TECPR1: variants seen among roughly 807,000 people sequenced by gnomAD.
TECPR1 encodes tectonin beta-propeller repeat containing 1.
A neutral mutation model predicts 162.4 loss-of-function variants in TECPR1; 122 were observed. The observed-to-expected ratio is 0.75, with a 90% CI of 0.65 to 0.87. The LOEUF is 0.87. Among genes scored for constraint, TECPR1 ranks in the 40% least tolerant of loss-of-function variants. The pLI is 0.00. For synonymous variants in TECPR1, 642 were observed against 670.6 expected (o/e 0.96, Z 0.66); for missense variants, 1,432 against 1,618.2 (o/e 0.88, Z 1.97).
intron 22 of TECPR1, 57 bp downstream of exon 22, chr7:98,222,329 A>C: frequency 6.4e-7 from 1 of 1,568,184 alleles, no homozygotes; most frequent in South Asian, 1.2e-5. Flanking sequence ...ATGTTCAGCA[A>C]ACATCAGCTT....
intron 5 of TECPR1, among the ~76,000 whole-genome samples, chr7:98,243,924 A>G (rs891524996): frequency 2.0e-5 from 3 of 152,206 alleles, no homozygotes; most frequent in African/African-American, 7.2e-5. Flanking sequence ...TTAACCGGGC[A>G]TGGTGGTGCA....
chr7:98,231,939 C>A lies in TECPR1; in HGVS notation c.1839G>T (p.Gly613=). 1 of 1,606,410 alleles carries A rather than the reference C, an allele frequency of 6.2e-7. No individual in the cohort carries two copies. The highest frequency in any genetic ancestry group is 8.5e-7 in the Non-Finnish European group (1 of 1,179,592). The part of the protein sequence containing the change: ...AVEQSVWVKT[G]ALQWWCDWKP... Reference sequence around the variant, plus strand: ...TCCAGTCGCACCACCACTGCAGCGCCCCGGTCTTCACCCACACCGACTGCG... The same window carrying A: ...TCCAGTCGCACCACCACTGCAGCGCACCGGTCTTCACCCACACCGACTGCG... Residue 613 remains glycine (G), a synonymous_variant, in exon 13 of 26, where the codon GGG becomes GGT. Transcript: ENST00000447648.
In TECPR1 at chr7:98,215,908, C is replaced by T. The variant is rs1797995498; in HGVS notation, c.*1482G>A. 1 of 152,230 alleles carries T rather than the reference C, an allele frequency of 6.6e-6. No individual in the cohort carries two copies. 9.4% of individuals were successfully genotyped at this position (152,230 alleles called of 1,614,324 possible). On this transcript the variant is annotated 3_prime_UTR_variant, in exon 26 of 26. Transcript: ENST00000447648. ...GGAGGGGCCCCAGGGAGGCCTTTCTCAGCATCAGCTTTTGGGTGACAAACC... is the reference window on the plus strand; with the variant it reads ...GGAGGGGCCCCAGGGAGGCCTTTCTTAGCATCAGCTTTTGGGTGACAAACC...
In TECPR1 at chr7:98,217,985, T is replaced by G. The variant is rs1296930273; in HGVS notation, c.3215A>C (p.Glu1072Ala). ...TCGGCACACGTTGTTGGACACGTGC[T>G]CCCAGCTGGAGCCCTGCGGGTAGCT... is the stretch of plus-strand genomic sequence containing the variant. Reference protein sequence around the residue: ...TPSYPQGSSWEHVSNNVCRVS... With the variant: ...TPSYPQGSSWAHVSNNVCRVS... Residue 1072 changes from glutamate to alanine, a missense_variant, in exon 24 of 26, where the codon GAG becomes GCG. Glu to Ala is a moderately radical substitution (Grantham distance 107, BLOSUM62 -1). Transcript: ENST00000447648. 3 of 1,566,608 alleles carry G rather than the reference T, an allele frequency of 1.9e-6. No homozygotes were observed. The highest frequency in any genetic ancestry group is 4.7e-5 in the East Asian group (2 of 42,124).
chr7:98,250,584 G>T (rs1799039550), intron 2 of TECPR1, among the ~76,000 whole-genome samples: 1 of 152,212 alleles, frequency 6.6e-6, no homozygotes, highest in Admixed American at 6.6e-5. Flanking sequence ...GCTACAGTGA[G>T]CTATGATTGT....
chr7:98,221,387 T>G (rs1478707551), intron 23 of TECPR1, among the ~76,000 whole-genome samples: 1 of 152,162 alleles, frequency 6.6e-6, no homozygotes, highest in African/African-American at 2.4e-5. Flanking sequence ...GATACTCCCT[T>G]TACCCTGATG....
At chr7:98,245,306 C>G (rs1252205574) in intron 3 of TECPR1, among the ~76,000 whole-genome samples, 1 of 152,226 alleles carries the variant, frequency 6.6e-6, no homozygotes, top group African/African-American at 2.4e-5. Flanking sequence ...CTCCTGCCAG[C>G]CACGGCGCTG....
intron 23 of TECPR1, among the ~76,000 whole-genome samples, chr7:98,219,288 TA>T (rs1032702805): frequency 1.3e-5 from 2 of 151,884 alleles, no homozygotes; most frequent in Admixed American, 6.6e-5. Context: ...ACAAATTCTA[TA>T]AAAAAAACCT....
intron 13 of TECPR1, 65 bp from the exon 14 acceptor site, chr7:98,231,438 C>T: frequency 1.3e-6 from 2 of 1,509,468 alleles, no homozygotes; most frequent in African/African-American, 1.4e-5. Context: ...GAGGGTGACC[C>T]CCACTGTGCT....
chr7:98,233,886 C>G lies in TECPR1; in HGVS notation c.1207G>C (p.Val403Leu). The change falls in exon 11 of 26, where the codon GTG becomes CTG. Residue 403 changes from valine to leucine, a missense_variant. By Grantham distance (32) the Val-to-Leu change is conservative. Coordinates refer to ENST00000447648, the MANE Select transcript of TECPR1 (RefSeq NM_015395.3). ...GGGGCAGACTCGCCACTACCCCTCA[C>G]CTCATCACCGAAGAAGCAGCCGGCA... ...LSAGCFFGDEVRGSGESAPSD... is the reference protein window; with the variant it reads ...LSAGCFFGDELRGSGESAPSD... 1.3e-6 allele frequency: 2 copies of G among 1,544,122 alleles called. No homozygotes were observed. The highest frequency in any genetic ancestry group is 8.8e-7 in the Non-Finnish European group (1 of 1,142,132).
chr7:98,249,156 C>CAGG (rs1798996307), intron 2 of TECPR1, among the ~76,000 whole-genome samples: 1 of 152,080 alleles, frequency 6.6e-6, no homozygotes, highest in Non-Finnish European at 1.5e-5. Context: ...CGATTACAGG[C>CAGG]AGGAGCCCCT....
In TECPR1 at chr7:98,233,718, C is replaced by G. The variant is rs561737951; in HGVS notation, c.1375G>C (p.Glu459Gln). The G allele has an allele frequency of 6.2e-7, 1 of 1,612,152 alleles. No individual in the cohort carries two copies. Among genetic ancestry groups the G allele is most frequent in the African/African-American group, 1.3e-5 (1 of 75,058 alleles). Residue 459 changes from glutamate (E) to glutamine (Q), a missense_variant, in exon 11 of 26, where the codon GAA becomes CAA. Coordinates refer to ENST00000447648, the MANE Select transcript of TECPR1 (RefSeq NM_015395.3). ...GAGRTAEDTV[E>Q]DACPAEGSRE... ...CTGCCCTCGGCTGGGCAGGCATCTT[C>G]CACGGTATCTTCTGCGGTCCTGCCA...
At chr7:98,234,684 C>T (rs1242831815) in intron 10 of TECPR1, among the ~76,000 whole-genome samples, 1 of 144,988 alleles carries the variant, frequency 6.9e-6, no homozygotes, top group African/African-American at 2.5e-5. Flanking sequence ...TCTCCATGTT[C>T]TCACTAGCAT....
At chr7:98,234,682 T>C (rs1176784593) in intron 10 of TECPR1, among the ~76,000 whole-genome samples, 1 of 151,528 alleles carries the variant, frequency 6.6e-6, no homozygotes, top group Non-Finnish European at 1.5e-5. Flanking sequence ...TTTCTCCATG[T>C]TCTCACTAGC....
chr7:98,231,502 G>T, intron 13 of TECPR1, 129 bp from the exon 14 acceptor site: 1 of 837,410 alleles, frequency 1.2e-6, no homozygotes, highest in Non-Finnish European at 1.7e-6. Flanking sequence ...CCCCAGCCCT[G>T]CCCCCTCCCT....
chr7:98,241,678 A>G lies in TECPR1; in HGVS notation c.658-434T>C, dbSNP rs1429571265. On this transcript the variant is annotated intron_variant, in intron 6 of 25. Transcript: ENST00000447648. The surrounding 1 kb of genome is among the most constrained non-coding windows in gnomAD (Gnocchi z 5.0). ...GGTTAAGACTGGGAGCAACGTGCTC[A>G]GAGCGTCTGAACTGTTTGGCTCATT... is the stretch of plus-strand genomic sequence containing the variant. 5.9e-5 allele frequency among the ~76,000 whole-genome samples: 9 copies of G among 152,210 alleles called. No homozygotes were observed. Among genetic ancestry groups the G allele is most frequent in the Admixed American group, 5.9e-4 (9 of 15,280 alleles).
chr7:98,243,562 G>A lies in TECPR1; in HGVS notation c.562C>T (p.Pro188Ser). Reference sequence around the variant, plus strand: ...ACAGAGAGGTCGTTGAAGGGGTCGGGCAGCTCCTTGGGGTCATCCTTCGAG... The same window carrying A: ...ACAGAGAGGTCGTTGAAGGGGTCGGACAGCTCCTTGGGGTCATCCTTCGAG... ...IPSKDDPKEL[P>S]DPFNDLSVGG... The change falls in exon 6 of 26, where the codon CCC (proline) becomes TCC (serine). Residue 188 changes from proline to serine, a missense_variant. By Grantham distance (74) the Pro-to-Ser change is moderately conservative. Coordinates refer to ENST00000447648, the MANE Select transcript of TECPR1 (RefSeq NM_015395.3). 6.2e-7 allele frequency: 1 copy of A among 1,612,612 alleles called. No individual in the cohort carries two copies. The highest frequency in any genetic ancestry group is 1.3e-5 in the African/African-American group (1 of 75,064).
At position 98,231,882 on chromosome 7, in the gene TECPR1, G is replaced by A. The variant is rs898212496; in HGVS notation, c.1896C>T (p.Ala632=). Residue 632 remains alanine, a synonymous_variant, in exon 13 of 26, where the codon GCC becomes GCT. Transcript: ENST00000447648. ...CGTCGTGCCCCGTGAACTGCTCCAG[G>A]GCCAAGCGCACGTCCACCCACTTGT... ...KPHKWVDVRL[A]LEQFTGHDGV... 6.2e-7 allele frequency: 1 copy of A among 1,612,304 alleles called. No homozygotes were observed. Among genetic ancestry groups the A allele is most frequent in the Middle Eastern group, 1.6e-4 (1 of 6,062 alleles).
At position 98,231,927 on chromosome 7, in the gene TECPR1, C is replaced by CCACTGCA; in HGVS notation, c.1844_1850dup (p.Trp617CysfsTer52). 6.2e-7 allele frequency: 1 copy of CCACTGCA among 1,608,514 alleles called. No homozygotes were observed. The highest frequency in any genetic ancestry group is 8.5e-7 in the Non-Finnish European group (1 of 1,179,746). On this transcript the variant is annotated frameshift_variant, in exon 13 of 26. Coordinates refer to ENST00000447648, the MANE Select transcript of TECPR1 (RefSeq NM_015395.3). LOFTEE classifies it high-confidence loss of function. ...ACTTGTGGGGCTTCCAGTCGCACCA[C>CCACTGCA]CACTGCAGCGCCCCGGTCTTCACCC...
Sources: gnomAD v4.1 joint callset for allele counts (sites outside exome capture counted in the v4.1 genomes callset) on GRCh38, gnomAD v4.1.1 for gene constraint, Gnocchi (gnomAD v3.1) non-coding constraint, MANE v1.5 for transcripts, NCBI Gene and HGNC (gene_info 2026-07-23, HGNC 2026-07-21) for gene names.